ITPK1: variants seen among roughly 807,000 people sequenced by gnomAD.
The protein encoded by ITPK1 is inositol 1,3,4-trisphosphate 5/6-kinase.
In ITPK1, 21 loss-of-function variants were observed where a neutral mutation model predicts 45.3. The ratio of observed to expected loss-of-function variants is 0.46; its 90% CI spans 0.33 to 0.67. The LOEUF is 0.67. Among genes scored for constraint, ITPK1 ranks in the 30% least tolerant of loss-of-function variants. ITPK1 has a pLI of 0.02. For synonymous variants in ITPK1, 258 were observed against 253.6 expected (o/e 1.02, Z -0.16); for missense variants, 474 against 573.5 (o/e 0.83, Z 1.77).
chr14:92,941,130 C>A lies in ITPK1; in HGVS notation c.*431G>T. ...GGAGTCAGGCAGAAGGGAAGCCACT[C>A]TCACATGCACCGATCAGCCTCCCAC... is the stretch of plus-strand genomic sequence containing the variant. On this transcript the variant is annotated 3_prime_UTR_variant, in exon 11 of 11. Transcript: ENST00000267615. 1 of 1,204,692 alleles carries A rather than the reference C, an allele frequency of 8.3e-7. No individual in the cohort carries two copies. 74.6% of individuals were successfully genotyped at this position (1,204,692 alleles called of 1,614,324 possible).
At position 93,036,331 on chromosome 14, in the gene ITPK1, C is replaced by T. The variant is rs764010821; in HGVS notation, c.121-19530G>A. Among the ~76,000 whole-genome samples the T allele has an allele frequency of 1.3e-5, 2 of 152,200 alleles. No homozygotes were observed. The highest frequency in any genetic ancestry group is 2.9e-5 in the Non-Finnish European group (2 of 68,032). On this transcript the variant is annotated intron_variant, in intron 3 of 10. Coordinates refer to ENST00000267615, the MANE Select transcript of ITPK1 (RefSeq NM_014216.6). The surrounding 1 kb of genome is among the most constrained non-coding windows in gnomAD (Gnocchi z 4.1). ...ATCCGGTTGAGGCCACAAGGTCATG[C>T]TCTGTGACAGCGTGAGAAGAACTGC...
At chr14:93,050,704 T>TG (rs1889968331) in intron 3 of ITPK1, among the ~76,000 whole-genome samples, 1 of 151,728 alleles carries the variant, frequency 6.6e-6, no homozygotes, top group Non-Finnish European at 1.5e-5. Context: ...TCTGGAGAGA[T>TG]GGGGTCAGGT....
At chr14:92,951,799 C>A in intron 9 of ITPK1, 147 bp downstream of exon 9, 1 of 648,932 alleles carries the variant, frequency 1.5e-6, no homozygotes, top group Admixed American at 2.6e-5. Flanking sequence ...GCTCTGGAAC[C>A]TCCTGGGGCC....
rs370552631 is a variant in ITPK1, at chr14:93,001,862, C to T, written c.247-7865G>A. 5.6e-4 allele frequency among the ~76,000 whole-genome samples: 86 copies of T among 152,310 alleles called. No individual in the cohort carries two copies. In the South Asian group the frequency reaches 0.013, roughly 23 times the overall value. Reference sequence around the variant, plus strand: ...TTTCCACCAGCTCCTCCGTACCCAGCGCCGGGTGAAACCCTGGAAGTCTCT... The same window carrying T: ...TTTCCACCAGCTCCTCCGTACCCAGTGCCGGGTGAAACCCTGGAAGTCTCT... On this transcript the variant is annotated intron_variant, in intron 4 of 10. Transcript: ENST00000267615.
Position 93,001,423 on chromosome 14 carries a change from G to A in ITPK1, c.247-7426C>T, listed in dbSNP as rs1455180637. Among the ~76,000 whole-genome samples the A allele has an allele frequency of 2.6e-5, 4 of 152,260 alleles. No homozygotes were observed. The East Asian group carries it at 5.8e-4, about 22-fold the overall frequency. ...TGGAATAGATCAAGCATCAGAGGGG[G>A]CACAATTCCGTCACCTCCCCCATGG... On this transcript the variant is annotated intron_variant, in intron 4 of 10. Coordinates refer to ENST00000267615, the MANE Select transcript of ITPK1 (RefSeq NM_014216.6).
At chr14:92,966,612 A>G (rs781016823) in intron 5 of ITPK1, among the ~76,000 whole-genome samples, 3 of 152,236 alleles carry the variant, frequency 2.0e-5, no homozygotes, top group African/African-American at 7.2e-5. Flanking sequence ...TCCTATGAAA[A>G]TGCAAGAGAC....
intron 2 of ITPK1, among the ~76,000 whole-genome samples, chr14:93,090,448 T>C (rs77807133): frequency 0.02 from 3,066 of 152,238 alleles, 45 homozygotes; most frequent in Non-Finnish European, 0.029. Flanking sequence ...CTGACCTGAA[T>C]GCCTCCCGTG....
chr14:92,952,372 G>A (rs1348118048), intron 8 of ITPK1, among the ~76,000 whole-genome samples: 2 of 152,152 alleles, frequency 1.3e-5, no homozygotes, highest in African/African-American at 2.4e-5. Flanking sequence ...TGAATATCAC[G>A]GCCAGAGAGG....
At chr14:93,096,649 G>C (rs980970655) in intron 2 of ITPK1, among the ~76,000 whole-genome samples, 2 of 152,192 alleles carry the variant, frequency 1.3e-5, no homozygotes, top group Non-Finnish European at 2.9e-5. Flanking sequence ...AGGAGAGAGC[G>C]CAGGAGCTAG....
Position 93,016,763 on chromosome 14 carries a change from C to T in ITPK1, c.159G>A (p.Leu53=), listed in dbSNP as rs1182325757. 1.2e-6 allele frequency: 2 copies of T among 1,614,082 alleles called. No individual in the cohort carries two copies. The highest frequency in any genetic ancestry group is 3.3e-5 in the Admixed American group (2 of 60,020). ...LSRPIEEQGP[L]DVIIHKLTDV... ...CAGTCAGCTTGTGGATGATGACGTC[C>T]AGGGGGCCCTGCTCCTCGATCGGCC... Residue 53 remains leucine (L), a synonymous_variant, in exon 4 of 11, where the codon CTG becomes CTA. Transcript: ENST00000267615. The surrounding 1 kb of genome is among the most constrained non-coding windows in gnomAD (Gnocchi z 5.0).
rs987825740 is a variant in ITPK1, at chr14:92,940,941, G to A, written c.*620C>T. ...CTTCCTTTCCTTCCCTTTAGTGAGG[G>A]AGCACAGCCCAGACCCCAGCGCGGA... On this transcript the variant is annotated 3_prime_UTR_variant, in exon 11 of 11. Coordinates refer to ENST00000267615, the MANE Select transcript of ITPK1 (RefSeq NM_014216.6). 4 of 1,287,340 alleles carry A rather than the reference G, an allele frequency of 3.1e-6. No individual in the cohort carries two copies. The highest frequency in any genetic ancestry group is 5.5e-5 in the East Asian group (1 of 18,032). The allele number at this position is 1,287,340 out of a possible 1,614,324, so 79.7% of individuals were successfully genotyped here. A position where few individuals can be genotyped will look rare whatever the true frequency, so the allele number is the denominator to read the frequency against.
chr14:93,028,336 C>T (rs986635875), intron 3 of ITPK1, among the ~76,000 whole-genome samples: 2 of 152,198 alleles, frequency 1.3e-5, no homozygotes, highest in African/African-American at 4.8e-5. Context: ...TGACATGAGC[C>T]GGAAACCAAC....
At chr14:93,043,415 C>G (rs756739955) in intron 3 of ITPK1, among the ~76,000 whole-genome samples, 3 of 152,214 alleles carry the variant, frequency 2.0e-5, no homozygotes, top group Non-Finnish European at 2.9e-5. Flanking sequence ...TCTGTGGAGT[C>G]ACTGCAGAAA....
At chr14:93,075,773 T>TCC (rs1891196737) in intron 3 of ITPK1, among the ~76,000 whole-genome samples, 2 of 152,072 alleles carry the variant, frequency 1.3e-5, no homozygotes, top group Non-Finnish European at 1.5e-5. Context: ...CCTGATCTAG[T>TCC]CCCCAGCTTG....
chr14:92,946,594 G>C (rs1013321993), intron 9 of ITPK1, 101 bp from the exon 10 acceptor site: 36 of 1,205,276 alleles, frequency 3.0e-5, no homozygotes, highest in African/African-American at 4.5e-5. Flanking sequence ...GCCCTGGCAT[G>C]CTTCAGGCCA....
chr14:92,971,648 G>A (rs970898494), intron 5 of ITPK1, among the ~76,000 whole-genome samples: 1 of 152,210 alleles, frequency 6.6e-6, no homozygotes, highest in African/African-American at 2.4e-5. Flanking sequence ...GGGAAGCCAG[G>A]GACACTGCAG....
chr14:93,115,574 C>T (rs1892917719), intron 1 of ITPK1, among the ~76,000 whole-genome samples, 198 bp downstream of exon 1: 1 of 149,410 alleles, frequency 6.7e-6, no homozygotes, highest in Admixed American at 6.6e-5. Context: ...CCGCCCCCGC[C>T]CTGCCCGCCC....
At chr14:93,111,395 T>A (rs529575836) in intron 2 of ITPK1, among the ~76,000 whole-genome samples, 2 of 151,846 alleles carry the variant, frequency 1.3e-5, no homozygotes, top group South Asian at 4.2e-4. Context: ...ATTTCTTCAC[T>A]CCCCCTCTGA....
chr14:93,090,040 G>A (rs1044491329), intron 2 of ITPK1, among the ~76,000 whole-genome samples: 1 of 152,070 alleles, frequency 6.6e-6, no homozygotes, highest in Non-Finnish European at 1.5e-5. Context: ...TCTCCCTGCT[G>A]TCCCTGCACA....
Sources: allele counts gnomAD v4.1 joint callset (sites outside exome capture counted in the v4.1 genomes callset), GRCh38; gene constraint gnomAD v4.1.1; non-coding constraint Gnocchi (gnomAD v3.1); transcripts MANE v1.5; gene names NCBI Gene and HGNC (gene_info 2026-07-23, HGNC 2026-07-21).